Variants in CNTNAP5 observed in about 807,000 individuals in gnomAD.
CNTNAP5 encodes the protein contactin-associated protein-like 5.
CNTNAP5 carries 72 observed loss-of-function variants against 150.2 expected under a neutral mutation model. That is an observed-to-expected ratio of 0.48 (90% CI 0.40 to 0.58). The LOEUF (loss-of-function observed/expected upper bound fraction) is 0.58. Ranked by LOEUF, CNTNAP5 falls within the 20% of genes least tolerant of loss-of-function variation. CNTNAP5 has a pLI of 0.00. For synonymous variants in CNTNAP5, 672 were observed against 619.8 expected (o/e 1.08, Z -1.25); for missense variants, 1,636 against 1,626.2 (o/e 1.01, Z -0.10).
intron 3 of CNTNAP5, among the ~76,000 whole-genome samples, chr2:124,308,604 T>A (rs1223998758): frequency 3.9e-5 from 6 of 152,202 alleles, no homozygotes; most frequent in Non-Finnish European, 8.8e-5. Flanking sequence ...ATCAGTTTGT[T>A]TGAGTGATAA....
At chr2:124,190,163 C>T (rs1228239562) in intron 1 of CNTNAP5, among the ~76,000 whole-genome samples, 1 of 152,160 alleles carries the variant, frequency 6.6e-6, no homozygotes, top group East Asian at 1.9e-4. Flanking sequence ...TGAGCTTCAT[C>T]TCTTTTTATT....
At chr2:124,811,023 G>A (rs1338642526) in intron 19 of CNTNAP5, among the ~76,000 whole-genome samples, 1 of 146,984 alleles carries the variant, frequency 6.8e-6, no homozygotes, top group African/African-American at 2.5e-5. Context: ...TTGGAAGGAG[G>A]ATCCTAGAAA....
intron 1 of CNTNAP5, among the ~76,000 whole-genome samples, chr2:124,059,007 A>AT (rs1006461509): frequency 1.5e-4 from 23 of 152,076 alleles, no homozygotes; most frequent in African/African-American, 4.3e-4. Flanking sequence ...CTCACAGGGT[A>AT]TTTTTTTTAA....
chr2:124,642,288 T>G (rs1339686202), intron 12 of CNTNAP5, among the ~76,000 whole-genome samples: 1 of 152,206 alleles, frequency 6.6e-6, no homozygotes, highest in Non-Finnish European at 1.5e-5. Flanking sequence ...TTGTTATTGT[T>G]GAGTGTGCGT....
At chr2:124,721,522 T>TA in intron 13 of CNTNAP5, among the ~76,000 whole-genome samples, 2 of 149,814 alleles carry the variant, frequency 1.3e-5, no homozygotes, top group African/African-American at 4.9e-5. Flanking sequence ...CATAAATAAA[T>TA]ATTAAAAAAA....
chr2:124,063,602 G>A (rs538380957), intron 1 of CNTNAP5, among the ~76,000 whole-genome samples: 3 of 152,178 alleles, frequency 2.0e-5, no homozygotes, highest in African/African-American at 7.2e-5. Flanking sequence ...GACGCAACAC[G>A]TATTTCTTAC....
intron 19 of CNTNAP5, among the ~76,000 whole-genome samples, chr2:124,838,645 C>G (rs1222950114): frequency 6.6e-6 from 1 of 152,148 alleles, no homozygotes; most frequent in Non-Finnish European, 1.5e-5. Flanking sequence ...CACAAACCCC[C>G]TATTCATAAC....
intron 13 of CNTNAP5, among the ~76,000 whole-genome samples, chr2:124,664,060 GC>G (rs1678647109): frequency 1.3e-5 from 2 of 152,084 alleles, no homozygotes; most frequent in Non-Finnish European, 2.9e-5. Flanking sequence ...TTAGTGACTG[GC>G]ACAAAGTAGG....
At chr2:124,540,024 A>C (rs12472000) in intron 10 of CNTNAP5, among the ~76,000 whole-genome samples, 62,944 of 151,546 alleles carry the variant, frequency 0.42, 13,483 homozygotes, top group East Asian at 0.63. Context: ...TGCAAAGGGA[A>C]CACACAGAGC....
chr2:124,794,195 G>A (rs540869805), intron 18 of CNTNAP5, among the ~76,000 whole-genome samples: 4 of 152,254 alleles, frequency 2.6e-5, no homozygotes, highest in African/African-American at 7.2e-5. Flanking sequence ...GAGCATTACT[G>A]CTCACAGATA....
intron 1 of CNTNAP5, among the ~76,000 whole-genome samples, chr2:124,084,764 G>A (rs1682639661): frequency 6.6e-6 from 1 of 151,732 alleles, no homozygotes; most frequent in African/African-American, 2.4e-5. Context: ...TAAATAAACG[G>A]TGACATATTC....
rs537766532 is a variant in CNTNAP5 at position 124,882,537 on chromosome 2, C to G, written c.3436+12775C>G. ...GTGTAACCAAGGTCCTGTTTCCCTA[C>G]TGATTTTGGGTGGAAGGCCAGATCT... On this transcript the variant is annotated intron_variant, in intron 21 of 23. Transcript: ENST00000682447. Among the ~76,000 whole-genome samples, 12 of 152,196 alleles carry G rather than the reference C, an allele frequency of 7.9e-5. No homozygotes were observed. The South Asian group carries it at 1.9e-3, about 24-fold the overall frequency.
At position 124,705,385 on chromosome 2, in the gene CNTNAP5, G is replaced by A. The variant is rs144782438; in HGVS notation, c.2078-41844G>A. On this transcript the variant is annotated intron_variant, in intron 13 of 23. Transcript: ENST00000682447. ...TCTACTAAAAATAAAATAATTAGGC[G>A]GGTGTGGTGGCATGTGCCTGTAATC... Among the ~76,000 whole-genome samples, 970 of 152,116 alleles carry A rather than the reference G, an allele frequency of 6.4e-3. 2 individuals are homozygous for A. Among genetic ancestry groups the A allele is most frequent in the Non-Finnish European group, 0.011 (739 of 67,966 alleles).
At chr2:124,401,474 A>G (rs111797348) in intron 3 of CNTNAP5, among the ~76,000 whole-genome samples, 293 of 152,338 alleles carry the variant, frequency 1.9e-3, no homozygotes, top group African/African-American at 6.8e-3. Context: ...TAGACTACTT[A>G]TATACAAAAG....
chr2:124,073,838 A>G (rs1682373428), intron 1 of CNTNAP5, among the ~76,000 whole-genome samples: 1 of 152,158 alleles, frequency 6.6e-6, no homozygotes, highest in Non-Finnish European at 1.5e-5. Flanking sequence ...ACTGCTGGGT[A>G]TATACTCAAA....
intron 1 of CNTNAP5, among the ~76,000 whole-genome samples, chr2:124,185,794 A>G (rs1340687869): frequency 1.3e-5 from 2 of 152,092 alleles, no homozygotes; most frequent in African/African-American, 4.8e-5. Context: ...GTCTTCCCCA[A>G]CCATTGCTCA....
intron 1 of CNTNAP5, among the ~76,000 whole-genome samples, chr2:124,082,707 ACTT>A (rs1682587879): frequency 1.3e-5 from 2 of 152,218 alleles, no homozygotes; most frequent in Non-Finnish European, 2.9e-5. Context: ...TGGCATGTAT[ACTT>A]TTTAAATAAT....
chr2:124,620,488 T>A (rs78233009), intron 12 of CNTNAP5, among the ~76,000 whole-genome samples: 43 of 152,246 alleles, frequency 2.8e-4, no homozygotes, highest in African/African-American at 1.0e-3. Flanking sequence ...CCTTCAAACA[T>A]AGAAATGACT....
At chr2:124,156,147 G>T (rs751062088) in intron 1 of CNTNAP5, among the ~76,000 whole-genome samples, 7 of 152,210 alleles carry the variant, frequency 4.6e-5, no homozygotes, top group Non-Finnish European at 8.8e-5. Context: ...AAGGGTTAAG[G>T]CTTTGAGAAG....
Sources: gnomAD v4.1 joint callset for allele counts (sites outside exome capture counted in the v4.1 genomes callset) on GRCh38, gnomAD v4.1.1 for gene constraint, MANE v1.5 for transcripts, NCBI Gene and HGNC (gene_info 2026-07-23, HGNC 2026-07-21) for gene names.